The following CCSER1 variants were observed in gnomAD, a reference collection of about 807,000 sequenced individuals.
CCSER1 encodes the protein coiled-coil serine rich protein 1.
A neutral mutation model predicts 82.0 loss-of-function variants in CCSER1; 41 were observed. The ratio of observed to expected loss-of-function variants is 0.50; its 90% CI spans 0.39 to 0.65. CCSER1 has a LOEUF of 0.65. Among genes scored for constraint, CCSER1 ranks in the 30% least tolerant of loss-of-function variants. CCSER1 has a pLI of 0.00. For missense variants in CCSER1, 1,119 were observed against 1,064.2 expected, an observed-to-expected ratio of 1.05 and a Z score of -0.72; for synonymous variants, 414 against 383.9, an observed-to-expected ratio of 1.08 and a Z score of -0.92.
chr4:90,848,756 T>C (rs1187606276), intron 8 of CCSER1, among the ~76,000 whole-genome samples: 1 of 152,212 alleles, frequency 6.6e-6, no homozygotes, highest in African/African-American at 2.4e-5. Flanking sequence ...GTGGAGATAA[T>C]TGAATCTTGG....
In CCSER1 at chr4:90,218,483, G is replaced by C. The variant is rs117952752; in HGVS notation, c.-41-89761G>C. 2.0e-3 allele frequency among the ~76,000 whole-genome samples: 299 copies of C among 152,244 alleles called. 6 individuals are homozygous for C. In the East Asian group the frequency reaches 0.036, roughly 18 times the overall value. On this transcript the variant is annotated intron_variant, in intron 1 of 10. Coordinates refer to ENST00000509176, the MANE Select transcript of CCSER1 (RefSeq NM_001145065.2). The stretch of plus-strand genomic sequence containing the variant: ...TTAAAATAAAAATTGAAAAAAGAGA[G>C]ATTTGTGCTGCTAATTTAAAAAAGT...
chr4:91,564,839 C>T (rs2110264317), intron 10 of CCSER1, among the ~76,000 whole-genome samples: 1 of 152,050 alleles, frequency 6.6e-6, no homozygotes, highest in Non-Finnish European at 1.5e-5. Flanking sequence ...TCTGTTTATG[C>T]TGCTGATAGT....
At chr4:91,390,758 G>T (rs1385064798) in intron 10 of CCSER1, among the ~76,000 whole-genome samples, 2 of 152,018 alleles carry the variant, frequency 1.3e-5, no homozygotes, top group African/African-American at 4.8e-5. Flanking sequence ...CAACTTCTTT[G>T]ATAAATGTAG....
intron 9 of CCSER1, among the ~76,000 whole-genome samples, chr4:90,943,447 A>T (rs947085919): frequency 3.3e-5 from 5 of 152,228 alleles, no homozygotes; most frequent in African/African-American, 1.2e-4. Flanking sequence ...AAAAGTAATG[A>T]CTAACCTCTT....
At chr4:91,379,441 G>C (rs1002589450) in intron 10 of CCSER1, among the ~76,000 whole-genome samples, 1 of 152,126 alleles carries the variant, frequency 6.6e-6, no homozygotes, top group African/African-American at 2.4e-5. Context: ...CCTGTTATTG[G>C]TCTATTCAGG....
chr4:90,533,734 T>C (rs1204216311), intron 5 of CCSER1, among the ~76,000 whole-genome samples: 1 of 152,248 alleles, frequency 6.6e-6, no homozygotes, highest in East Asian at 1.9e-4. Flanking sequence ...TATATTTATT[T>C]TTTAAGGTGG....
At chr4:90,424,223 A>C (rs1757207780) in intron 4 of CCSER1, among the ~76,000 whole-genome samples, 1 of 152,106 alleles carries the variant, frequency 6.6e-6, no homozygotes, top group African/African-American at 2.4e-5. Flanking sequence ...GCGTCTTGCA[A>C]GTAATGCTGT....
chr4:90,560,909 A>G (rs2153647188), intron 5 of CCSER1, among the ~76,000 whole-genome samples: 1 of 152,334 alleles, frequency 6.6e-6, no homozygotes. Flanking sequence ...ATGAAAAATA[A>G]AACAAAGCTT....
chr4:91,366,377 A>G (rs1363500852), intron 10 of CCSER1, among the ~76,000 whole-genome samples: 1 of 152,166 alleles, frequency 6.6e-6, no homozygotes, highest in East Asian at 1.9e-4. Flanking sequence ...GGCTTTGGAA[A>G]CAAATCCTGG....
intron 1 of CCSER1, among the ~76,000 whole-genome samples, chr4:90,276,262 C>T (rs1311582640): frequency 1.1e-4 from 12 of 109,362 alleles, no homozygotes; most frequent in African/African-American, 4.7e-4. Context: ...TTCCTTCCTT[C>T]CTTCCTTCCT....
At chr4:91,445,760 C>T (rs1219185600) in intron 10 of CCSER1, among the ~76,000 whole-genome samples, 1 of 151,900 alleles carries the variant, frequency 6.6e-6, no homozygotes, top group Non-Finnish European at 1.5e-5. Flanking sequence ...GCAAAGGTAC[C>T]TTCTATTAAC....
chr4:91,132,824 A>T (rs1463973652), intron 10 of CCSER1, among the ~76,000 whole-genome samples: 1 of 152,164 alleles, frequency 6.6e-6, no homozygotes, highest in Non-Finnish European at 1.5e-5. Flanking sequence ...GGAATAAAAA[A>T]CCTATCCTTG....
intron 5 of CCSER1, among the ~76,000 whole-genome samples, chr4:90,482,359 G>A (rs1434403177): frequency 6.6e-6 from 1 of 152,056 alleles, no homozygotes; most frequent in East Asian, 1.9e-4. Flanking sequence ...GGCTTTTTGT[G>A]TCTCTATTTC....
chr4:91,471,701 T>G (rs6821132), intron 10 of CCSER1, among the ~76,000 whole-genome samples: 105,119 of 151,626 alleles, frequency 0.69, 36,747 homozygotes, highest in East Asian at 0.89. Context: ...TTATAATTTT[T>G]TGTGTGTGTT....
At chr4:90,923,558 G>A (rs575492874) in intron 9 of CCSER1, 111 bp downstream of exon 9, 40 of 693,074 alleles carry the variant, frequency 5.8e-5, no homozygotes, top group Non-Finnish European at 8.1e-5. Flanking sequence ...AGGATTTAGC[G>A]GTGCACCATT....
chr4:91,009,461 A>G (rs6532265), intron 9 of CCSER1, among the ~76,000 whole-genome samples: 114,273 of 151,952 alleles, frequency 0.75, 43,343 homozygotes, highest in Middle Eastern at 0.84. Flanking sequence ...AGGTGGATGC[A>G]GTCACCTTCC....
Position 91,085,126 on chromosome 4 carries a change from T to G in CCSER1, c.2173-824T>G, listed in dbSNP as rs752660296. On this transcript the variant is annotated intron_variant, in intron 9 of 10. Transcript: ENST00000509176. ...AGGACACTTTTTTTTTTTTACCTTA[T>G]ACATTGATAGTGCAATGTATGTGAT... is the stretch of plus-strand genomic sequence containing the variant. Among the ~76,000 whole-genome samples the G allele has an allele frequency of 7.2e-5, 11 of 151,986 alleles. No individual in the cohort carries two copies. The South Asian group carries it at 1.2e-3, about 17-fold the overall frequency.
chr4:91,424,729 T>C (rs1338301279), intron 10 of CCSER1, among the ~76,000 whole-genome samples: 1 of 152,162 alleles, frequency 6.6e-6, no homozygotes, highest in Non-Finnish European at 1.5e-5. Context: ...TAGGAGCCGA[T>C]ATTATAAAAT....
intron 7 of CCSER1, among the ~76,000 whole-genome samples, chr4:90,771,122 C>G (rs1414763829): frequency 6.6e-6 from 1 of 151,868 alleles, no homozygotes; most frequent in East Asian, 1.9e-4. Context: ...GGCTATTCAC[C>G]CTTTTATATA....
Sources: allele counts gnomAD v4.1 joint callset (sites outside exome capture counted in the v4.1 genomes callset), GRCh38; gene constraint gnomAD v4.1.1; transcripts MANE v1.5; gene names NCBI Gene and HGNC (gene_info 2026-07-23, HGNC 2026-07-21).